AMBN: variants seen among roughly 807,000 people sequenced by gnomAD.
The protein encoded by AMBN is enamel matrix protein.
Under a neutral mutation model 48.0 loss-of-function variants are expected in AMBN, and 54 were observed. The ratio of observed to expected loss-of-function variants is 1.12; its 90% CI spans 0.90 to 1.41. The LOEUF is 1.41. AMBN is among the 40% of genes most tolerant of loss of function. The probability of loss-of-function intolerance (pLI) is 0.00; values close to 1 mark genes in which losing one functional copy is unlikely to be tolerated. For synonymous variants in AMBN, 186 were observed against 190.0 expected, an observed-to-expected ratio of 0.98 and a Z score of 0.17; for missense variants, 571 against 547.3, an observed-to-expected ratio of 1.04 and a Z score of -0.43.
intron 2 of AMBN, among the ~76,000 whole-genome samples, chr4:70,594,594 A>G (rs1293956991): frequency 3.9e-5 from 6 of 152,248 alleles, no homozygotes; most frequent in Non-Finnish European, 7.3e-5. Context: ...ATGGAGAAAG[A>G]GGTTGAAAAC....
chr4:70,597,472 A>T (rs1307197392), intron 3 of AMBN, among the ~76,000 whole-genome samples: 2 of 152,136 alleles, frequency 1.3e-5, no homozygotes, highest in Non-Finnish European at 2.9e-5. Flanking sequence ...CTGGTAAATA[A>T]CATTAACATT....
intron 5 of AMBN, 148 bp from the exon 6 acceptor site, chr4:70,601,270 G>A (rs1737513978): frequency 1.3e-6 from 1 of 790,962 alleles, no homozygotes; most frequent in Non-Finnish European, 2.1e-6. Context: ...ACACTAACTG[G>A]TGCTTGCTAT....
At chr4:70,593,507 C>A in intron 2 of AMBN, 112 bp downstream of exon 2, 12 of 926,442 alleles carry the variant, frequency 1.3e-5, no homozygotes, top group Non-Finnish European at 1.7e-5. Flanking sequence ...TGATTTAATC[C>A]AGTGGTTTAG....
chr4:70,596,375 A>G (rs1737385773), intron 2 of AMBN, among the ~76,000 whole-genome samples: 1 of 152,166 alleles, frequency 6.6e-6, no homozygotes, highest in African/African-American at 2.4e-5. Flanking sequence ...CACATTAAGT[A>G]TAATAGTATT....
At chr4:70,600,614 C>T (rs917186082) in intron 5 of AMBN, among the ~76,000 whole-genome samples, 36 of 152,048 alleles carry the variant, frequency 2.4e-4, no homozygotes, top group African/African-American at 8.5e-4. Flanking sequence ...CAAATTGTTG[C>T]GAGACTTCCT....
chr4:70,598,197 T>C (rs1737431810), intron 3 of AMBN, among the ~76,000 whole-genome samples, 159 bp from the exon 4 acceptor site: 1 of 152,240 alleles, frequency 6.6e-6, no homozygotes, highest in African/African-American at 2.4e-5. Flanking sequence ...AGAACCAAAT[T>C]TAATATTTCC....
rs888080677 is a variant in AMBN at position 70,599,667 on chromosome 4, T to G, written c.294+21T>G. ...AACAGGTGAGTGAATAGCATCAATA[T>G]GTTTGAAACCTCAGGCTTTAAAACC... On this transcript the variant is annotated intron_variant, in intron 5 of 12. Coordinates refer to ENST00000322937, the MANE Select transcript of AMBN (RefSeq NM_016519.6). 9.6e-6 allele frequency: 15 copies of G among 1,555,070 alleles called. No homozygotes were observed. The African/African-American group carries it at 1.6e-4, about 17-fold the overall frequency.
At chr4:70,596,678 G>C (rs1183146492) in intron 2 of AMBN, among the ~76,000 whole-genome samples, 2 of 152,130 alleles carry the variant, frequency 1.3e-5, no homozygotes, top group Non-Finnish European at 2.9e-5. Flanking sequence ...AGTACTAGTA[G>C]TTTTCTATTT....
chr4:70,603,130 T>C, intron 9 of AMBN, 120 bp downstream of exon 9: 1 of 1,364,388 alleles, frequency 7.3e-7, no homozygotes, highest in Non-Finnish European at 1.0e-6. Context: ...TGGGTTCCTT[T>C]GTTCTCTTAA....
At chr4:70,601,303 T>C (rs1737515512) in intron 5 of AMBN, 115 bp from the exon 6 acceptor site, 3 of 1,040,956 alleles carry the variant, frequency 2.9e-6, no homozygotes, top group African/African-American at 3.2e-5. Flanking sequence ...TCAAGACAAG[T>C]CTCCTAGCCT....
Position 70,606,192 on chromosome 4 carries a change from G to A in AMBN, c.806G>A (p.Arg269Lys), listed in dbSNP as rs1455359789. ...IMSSEEVAGG[R>K]EDPMAYGAMF... ...GAATGTTTTTTTTTCCAGGGCGGGA[G>A]AGAAGACCCAATGGCCTATGGAGCC... is the stretch of plus-strand genomic sequence containing the variant. The change falls in exon 13 of 13, where the codon AGA becomes AAA. Residue 269 changes from arginine to lysine, a missense_variant. Coordinates refer to ENST00000322937, the MANE Select transcript of AMBN (RefSeq NM_016519.6). The A allele has an allele frequency of 5.0e-6, 8 of 1,613,648 alleles. No homozygotes were observed. The highest frequency in any genetic ancestry group is 1.1e-5 in the South Asian group (1 of 91,076).
chr4:70,604,759 G>A (rs1264177233), intron 12 of AMBN, among the ~76,000 whole-genome samples: 1 of 150,610 alleles, frequency 6.6e-6, no homozygotes, highest in Non-Finnish European at 1.5e-5. Flanking sequence ...TTGGGAGGCT[G>A]AAGCGGATGG....
intron 5 of AMBN, among the ~76,000 whole-genome samples, chr4:70,599,900 G>A (rs1737479878): frequency 6.6e-6 from 1 of 152,144 alleles, no homozygotes; most frequent in African/African-American, 2.4e-5. Flanking sequence ...AAAGATATCA[G>A]TAAACAATCC....
intron 4 of AMBN, 59 bp from the exon 5 acceptor site, chr4:70,599,477 A>T: frequency 7.8e-7 from 1 of 1,289,868 alleles, no homozygotes; most frequent in East Asian, 2.5e-5. Flanking sequence ...AACCAAATAT[A>T]ACCAATGTTA....
In AMBN at chr4:70,604,992, TAA is replaced by T. The variant is rs67400307; in HGVS notation, c.798+1086_798+1087del. Among the ~76,000 whole-genome samples, 339 of 145,076 alleles carry T rather than the reference TAA, an allele frequency of 2.3e-3. 2 individuals are homozygous for T. Among genetic ancestry groups the T allele is most frequent in the South Asian group, 0.02 (93 of 4,598 alleles). On this transcript the variant is annotated intron_variant, in intron 12 of 12. Coordinates refer to ENST00000322937, the MANE Select transcript of AMBN (RefSeq NM_016519.6). The stretch of plus-strand genomic sequence containing the variant: ...TGGGCAACAGAGCAAGACCCTGCCT[TAA>T]AAAAAAAAAAAAAAGTCTTGTTTTC...
At chr4:70,601,681 C>A in intron 6 of AMBN, 27 bp downstream of exon 6, 1 of 1,599,286 alleles carries the variant, frequency 6.3e-7, no homozygotes, top group South Asian at 1.1e-5. Context: ...GAAGTCAGAT[C>A]AGAATCACCA....
intron 2 of AMBN, among the ~76,000 whole-genome samples, chr4:70,594,074 C>T (rs1231617504): frequency 2.0e-5 from 3 of 152,064 alleles, no homozygotes; most frequent in Non-Finnish European, 4.4e-5. Flanking sequence ...GAAAAAAATA[C>T]ATTTTCTTCA....
In AMBN at chr4:70,603,420, A is replaced by G; in HGVS notation, c.713A>G (p.Tyr238Cys). 1 of 1,613,510 alleles carries G rather than the reference A, an allele frequency of 6.2e-7. No individual in the cohort carries two copies. Among genetic ancestry groups the G allele is most frequent in the Non-Finnish European group, 8.5e-7 (1 of 1,179,884 alleles). Residue 238 changes from tyrosine to cysteine, a missense_variant, in exon 11 of 13, where the codon TAT becomes TGT. Coordinates refer to ENST00000322937, the MANE Select transcript of AMBN (RefSeq NM_016519.6). ...TAATGATTGTATTTTATTTAGCTTT[A>G]TCCAGGAATGTTGTACGTGCCTTTT... ...PMPQNKQSPL[Y>C]PGMLYVPFGA...
intron 12 of AMBN, among the ~76,000 whole-genome samples, chr4:70,605,007 A>C (rs889432087): frequency 7.2e-6 from 1 of 138,224 alleles, no homozygotes; most frequent in Admixed American, 7.4e-5. Context: ...AAAAAAAAAA[A>C]AGTCTTGTTT....
Sources: gnomAD v4.1 joint callset for allele counts (sites outside exome capture counted in the v4.1 genomes callset) on GRCh38, gnomAD v4.1.1 for gene constraint, MANE v1.5 for transcripts, NCBI Gene and HGNC (gene_info 2026-07-23, HGNC 2026-07-21) for gene names.